Variants in TOP6BL observed in about 807,000 individuals in gnomAD.
The protein encoded by TOP6BL is type 2 DNA topoisomerase 6 subunit B-like.
chr11:66,750,083 G>A, the TOP6BL span, among the ~76,000 whole-genome samples: 11 of 151,880 alleles, frequency 7.2e-5, no homozygotes, highest in Non-Finnish European at 1.0e-4. Context: ...CTATGCCTAC[G>A]TTCTTAGTTA....
At chr11:66,748,277 T>C in the TOP6BL span, 1 of 917,858 alleles carries the variant, frequency 1.1e-6, no homozygotes, top group South Asian at 2.2e-5. Context: ...ATACAATTTT[T>C]GGGGGGAAAT....
chr11:66,745,988 T>C, the TOP6BL span, among the ~76,000 whole-genome samples: 4 of 152,152 alleles, frequency 2.6e-5, no homozygotes, highest in Non-Finnish European at 5.9e-5. Context: ...TTTTTGTATT[T>C]GTAGTAGAGA....
At chr11:66,789,909 AGACGTGTGTTT>A in the TOP6BL span, among the ~76,000 whole-genome samples, 2 of 152,212 alleles carry the variant, frequency 1.3e-5, no homozygotes, top group Admixed American at 1.3e-4. Flanking sequence ...TTATTCATCC[AGACGTGTGTTT>A]GTTCAAGTCA....
the TOP6BL span, among the ~76,000 whole-genome samples, chr11:66,833,104 G>A: frequency 7.1e-6 from 1 of 140,898 alleles, no homozygotes; most frequent in Non-Finnish European, 1.5e-5. Context: ...CTGGAGTGCA[G>A]TGGCAACGAT....
chr11:66,758,313 T>TTTTTTTTC, the TOP6BL span: 14 of 135,520 alleles, frequency 1.0e-4, 1 homozygote, highest in Non-Finnish European at 3.8e-5. Context: ...TTTTTTTTTT[T>TTTTTTTTC]TTTTTTTTTT....
At chr11:66,746,908 A>G in the TOP6BL span, among the ~76,000 whole-genome samples, 1 of 151,464 alleles carries the variant, frequency 6.6e-6, no homozygotes, top group Admixed American at 6.6e-5. Context: ...AATGAAATAT[A>G]TTTTATTTTC....
At chr11:66,788,395 C>T in the TOP6BL span, 1 of 689,206 alleles carries the variant, frequency 1.5e-6, no homozygotes, top group Admixed American at 2.8e-5. Context: ...GGCAATGGTT[C>T]CCAAACTTGC....
At chr11:66,756,392 G>A in the TOP6BL span, 1 of 1,166,482 alleles carries the variant, frequency 8.6e-7, no homozygotes, top group Non-Finnish European at 1.1e-6. Context: ...GAGTGCAGTG[G>A]CGCAGTCTCG....
At chr11:66,832,599 TCCCTTCACCAC>T in the TOP6BL span, among the ~76,000 whole-genome samples, 1 of 152,194 alleles carries the variant, frequency 6.6e-6, no homozygotes, top group East Asian at 1.9e-4. Context: ...CCGTTAGTGC[TCCCTTCACCAC>T]CCCTTCCATG....
chr11:66,798,078 T>C, the TOP6BL span, among the ~76,000 whole-genome samples: 2 of 152,156 alleles, frequency 1.3e-5, no homozygotes, highest in Non-Finnish European at 2.9e-5. Flanking sequence ...AGTAAATAAC[T>C]TGAAGAGTCA....
At chr11:66,747,395 T>TC in the TOP6BL span, among the ~76,000 whole-genome samples, 2 of 137,142 alleles carry the variant, frequency 1.5e-5, no homozygotes, top group African/African-American at 5.5e-5. Flanking sequence ...TTTTATTTAA[T>TC]TTTTTTTTTT....
At chr11:66,837,217 T>TCTGGGTTCACGCCATTCTTCTGCCTC in the TOP6BL span, among the ~76,000 whole-genome samples, 1 of 151,062 alleles carries the variant, frequency 6.6e-6, no homozygotes, top group African/African-American at 2.4e-5. Context: ...AGCTCTGCCT[T>TCTGGGTTCACGCCATTCTTCTGCCTC]CTGGGTTCAC....
the TOP6BL span, chr11:66,838,487 AG>A: frequency 2.6e-6 from 4 of 1,564,548 alleles, no homozygotes; most frequent in Non-Finnish European, 3.5e-6. Flanking sequence ...ACTGCAGCAG[AG>A]GAAGTAAAAA....
the TOP6BL span, among the ~76,000 whole-genome samples, chr11:66,827,495 CTG>C: frequency 6.6e-6 from 1 of 151,746 alleles, no homozygotes; most frequent in African/African-American, 2.4e-5. Context: ...TGGGTGCAAA[CTG>C]TATTATTTTG....
the TOP6BL span, chr11:66,838,244 A>G: frequency 1.4e-6 from 1 of 729,076 alleles, no homozygotes; most frequent in Non-Finnish European, 2.3e-6. Flanking sequence ...CAGGAGGAAG[A>G]GGGAGTTCCA....
the TOP6BL span, among the ~76,000 whole-genome samples, chr11:66,832,081 C>G: frequency 6.8e-6 from 1 of 147,622 alleles, no homozygotes; most frequent in Non-Finnish European, 1.5e-5. Context: ...ACAGTTATAA[C>G]AAGTATGGAC....
chr11:66,768,694 T>C, the TOP6BL span, among the ~76,000 whole-genome samples: 3 of 150,526 alleles, frequency 2.0e-5, no homozygotes, highest in South Asian at 2.1e-4. Context: ...GCTTCCTTAA[T>C]ATTTCTTTAC....
the TOP6BL span, among the ~76,000 whole-genome samples, chr11:66,763,640 T>C: frequency 6.6e-6 from 1 of 152,098 alleles, no homozygotes; most frequent in African/African-American, 2.4e-5. Context: ...GGCCTTGCTC[T>C]GTCACCCAGA....
chr11:66,808,144 A>G, the TOP6BL span, among the ~76,000 whole-genome samples: 1 of 152,234 alleles, frequency 6.6e-6, no homozygotes, highest in Non-Finnish European at 1.5e-5. Flanking sequence ...CAGGTGTAAG[A>G]AAGGACAAGA....
Sources: allele counts gnomAD v4.1 joint callset (sites outside exome capture counted in the v4.1 genomes callset), GRCh38; gene constraint gnomAD v4.1.1; transcripts MANE v1.5; gene names NCBI Gene and HGNC (gene_info 2026-07-23, HGNC 2026-07-21).